TRAPPC8: variants seen among roughly 807,000 people sequenced by gnomAD.
TRAPPC8 encodes the protein trafficking protein particle complex subunit 8.
In TRAPPC8, 54 loss-of-function variants were observed where a neutral mutation model predicts 174.3. That is an observed-to-expected ratio of 0.31 (90% confidence interval 0.25 to 0.39). The LOEUF is 0.39. TRAPPC8 is among the 10% of genes least tolerant of loss of function. The pLI is 1.00. For synonymous variants in TRAPPC8, 630 were observed against 579.9 expected (o/e 1.09, Z -1.24); for missense variants, 1,531 against 1,699.1 (o/e 0.90, Z 1.74).
Position 31,913,476 on chromosome 18 carries a change from C to A in TRAPPC8, c.664G>T (p.Gly222Cys), listed in dbSNP as rs776401545. Reference protein sequence around the residue: ...EEMKQKYGTQGCYLLKINSRT... With the variant: ...EEMKQKYGTQCCYLLKINSRT... ...GAATTAATTTTAAGTAAATAGCAAC[C>A]CTGAGTTCCATATTTCTGTTTCATT... The change falls in exon 5 of 29, where the codon GGT becomes TGT. Residue 222 changes from glycine (G) to cysteine (C), a missense_variant. Gly to Cys is a radical substitution (Grantham distance 159). Transcript: ENST00000283351. The A allele has an allele frequency of 6.2e-5, 99 of 1,608,616 alleles. No individual in the cohort carries two copies. Among genetic ancestry groups the A allele is most frequent in the Non-Finnish European group, 8.0e-5 (94 of 1,178,766 alleles).
At chr18:31,934,522 T>G (rs1199650942) in intron 1 of TRAPPC8, among the ~76,000 whole-genome samples, 1 of 152,094 alleles carries the variant, frequency 6.6e-6, no homozygotes, top group Non-Finnish European at 1.5e-5. Flanking sequence ...ACAAAAAAAC[T>G]ATGGTGCATT....
chr18:31,838,630 T>A (rs72928337), intron 27 of TRAPPC8, among the ~76,000 whole-genome samples: 1,715 of 152,304 alleles, frequency 0.011, 18 homozygotes, highest in Non-Finnish European at 0.019. Context: ...CTCTATACAG[T>A]GGCATTCTTC....
chr18:31,931,175 C>G (rs953929605), intron 2 of TRAPPC8, among the ~76,000 whole-genome samples, 154 bp downstream of exon 2: 1 of 152,158 alleles, frequency 6.6e-6, no homozygotes, highest in Non-Finnish European at 1.5e-5. Flanking sequence ...AATAAACAGG[C>G]AAAGTTCCTA....
At chr18:31,885,721 G>A (rs1338333496) in intron 12 of TRAPPC8, among the ~76,000 whole-genome samples, 1 of 151,752 alleles carries the variant, frequency 6.6e-6, no homozygotes, top group African/African-American at 2.4e-5. Context: ...AAATTAGCCA[G>A]GCGTGGTGCA....
chr18:31,835,942 C>A (rs531000377), intron 27 of TRAPPC8, among the ~76,000 whole-genome samples: 3 of 152,148 alleles, frequency 2.0e-5, no homozygotes, highest in African/African-American at 4.8e-5. Flanking sequence ...GTGGCACAGA[C>A]GGGAACCCAA....
At chr18:31,894,534 C>T (rs2036105729) in intron 11 of TRAPPC8, among the ~76,000 whole-genome samples, 1 of 151,546 alleles carries the variant, frequency 6.6e-6, no homozygotes, top group Non-Finnish European at 1.5e-5. Flanking sequence ...TTCTCCACAA[C>T]CAAGAGATAA....
Position 31,908,329 on chromosome 18 carries a change from A to G in TRAPPC8, c.1212T>C (p.Asn404=). 2 of 1,605,198 alleles carry G rather than the reference A, an allele frequency of 1.2e-6. No individual in the cohort carries two copies. The highest frequency in any genetic ancestry group is 1.3e-5 in the African/African-American group (1 of 74,636). ...SGSKVPEKSI[N]DLKNTSGLLY... ...GCAAGCCAGATGTATTTTTCAGGTCATTAATGCTCTTTTCTGGAACTTTAC... is the reference window on the plus strand; with the variant it reads ...GCAAGCCAGATGTATTTTTCAGGTCGTTAATGCTCTTTTCTGGAACTTTAC... The change falls in exon 8 of 29, where the codon AAT becomes AAC. Residue 404 remains asparagine, a synonymous_variant. Transcript: ENST00000283351.
chr18:31,914,895 G>A (rs1290231899), intron 4 of TRAPPC8, among the ~76,000 whole-genome samples: 2 of 151,898 alleles, frequency 1.3e-5, no homozygotes, highest in Admixed American at 6.6e-5. Context: ...ATATTAAAGG[G>A]AACATTAAAA....
At chr18:31,894,967 CT>C (rs1358188509) in intron 11 of TRAPPC8, among the ~76,000 whole-genome samples, 1 of 152,170 alleles carries the variant, frequency 6.6e-6, no homozygotes, top group Non-Finnish European at 1.5e-5. Flanking sequence ...CATATACATC[CT>C]ATGCGGTGAT....
chr18:31,852,603 T>C lies in TRAPPC8; in HGVS notation c.3494A>G (p.Lys1165Arg). 2.5e-6 allele frequency: 4 copies of C among 1,614,076 alleles called. No homozygotes were observed. The highest frequency in any genetic ancestry group is 3.4e-6 in the Non-Finnish European group (4 of 1,180,004). ...KFCFKAIRCE[K>R]EEAATQSSEK... ...AAGTAAAGTGAATTTACCTTCTTCT[T>C]TCTCACATCTTATTGCCTTAAAGCA... The change falls in exon 23 of 29, where the codon AAA becomes AGA. Residue 1165 changes from lysine (K) to arginine (R), a missense_variant. By Grantham distance (26) the Lys-to-Arg change is conservative. Transcript: ENST00000283351.
chr18:31,855,998 A>C (rs559879922), intron 20 of TRAPPC8, among the ~76,000 whole-genome samples, 191 bp from the exon 21 acceptor site: 2 of 152,322 alleles, frequency 1.3e-5, no homozygotes, highest in East Asian at 3.9e-4. Context: ...TCCAATTTGG[A>C]AGGAAACTAC....
chr18:31,864,519 A>T lies in TRAPPC8; in HGVS notation c.2745+108T>A, dbSNP rs2034493355. On this transcript the variant is annotated intron_variant, in intron 19 of 28. Transcript: ENST00000283351. ...AACACTAGCTTAATAATAATTTAAA[A>T]GTATAGTTCAATGTAATATCAAAAA... The T allele has an allele frequency of 1.0e-5, 10 of 1,003,012 alleles. No homozygotes were observed. The South Asian group carries it at 1.6e-4, about 16-fold the overall frequency. The allele number at this position is 1,003,012 out of a possible 1,614,324, so 62.1% of individuals were successfully genotyped here.
Position 31,870,917 on chromosome 18 carries a change from G to T in TRAPPC8, c.2257+9C>A. 2 of 1,529,184 alleles carry T rather than the reference G, an allele frequency of 1.3e-6. No individual in the cohort carries two copies. Among genetic ancestry groups the T allele is most frequent in the Non-Finnish European group, 1.8e-6 (2 of 1,131,562 alleles). 94.7% of individuals were successfully genotyped at this position (1,529,184 alleles called of 1,614,324 possible). A position where few individuals can be genotyped will look rare whatever the true frequency, so the allele number is the denominator to read the frequency against. ...ATAAAAAACAGAAATAAAAATTCAAGTATATCACCTTCTACAACTGCAAGT... is the reference window on the plus strand; with the variant it reads ...ATAAAAAACAGAAATAAAAATTCAATTATATCACCTTCTACAACTGCAAGT... On this transcript the variant is annotated intron_variant, in intron 15 of 28. Transcript: ENST00000283351.
At chr18:31,934,299 T>C (rs886761225) in intron 1 of TRAPPC8, among the ~76,000 whole-genome samples, 2 of 152,032 alleles carry the variant, frequency 1.3e-5, no homozygotes, top group African/African-American at 4.8e-5. Context: ...GTCTGTCCTA[T>C]AACGTTTGAT....
At chr18:31,885,496 A>G (rs1053429780) in intron 12 of TRAPPC8, among the ~76,000 whole-genome samples, 11 of 151,286 alleles carry the variant, frequency 7.3e-5, no homozygotes, top group African/African-American at 2.7e-4. Flanking sequence ...GCTCTGTATC[A>G]ATGCCAATTT....
At chr18:31,845,853 C>T (rs950655021) in intron 26 of TRAPPC8, among the ~76,000 whole-genome samples, 1 of 151,978 alleles carries the variant, frequency 6.6e-6, no homozygotes, top group African/African-American at 2.4e-5. Context: ...AATACAGGGC[C>T]ATTGTTTGAA....
At chr18:31,938,782 T>C (rs117819057) in intron 1 of TRAPPC8, among the ~76,000 whole-genome samples, 1 of 152,300 alleles carries the variant, frequency 6.6e-6, no homozygotes, top group East Asian at 1.9e-4. Context: ...CATGCCTCAC[T>C]TGCTAAAGAA....
chr18:31,845,897 AT>A (rs1348403760), intron 26 of TRAPPC8, among the ~76,000 whole-genome samples: 1 of 152,168 alleles, frequency 6.6e-6, no homozygotes, highest in African/African-American at 2.4e-5. Context: ...TTCTATTCAT[AT>A]TTACTATGAA....
intron 12 of TRAPPC8, among the ~76,000 whole-genome samples, chr18:31,876,489 CAAAAA>C (rs71175801): frequency 0.015 from 753 of 48,716 alleles, 27 homozygotes; most frequent in African/African-American, 0.063. Context: ...GACTCCATCT[CAAAAA>C]AAAAAAAAAA....
Sources: gnomAD v4.1 joint callset for allele counts (sites outside exome capture counted in the v4.1 genomes callset) on GRCh38, gnomAD v4.1.1 for gene constraint, MANE v1.5 for transcripts, NCBI Gene and HGNC (gene_info 2026-07-23, HGNC 2026-07-21) for gene names.